The following MON2 variants were observed in gnomAD, a reference collection of about 807,000 sequenced individuals.
The protein encoded by MON2 is MON2 regulator of endosome-to-Golgi trafficking.
In MON2, 84 loss-of-function variants were observed where a neutral mutation model predicts 208.6. That is an observed-to-expected ratio of 0.40 (90% confidence interval 0.34 to 0.48). The LOEUF (loss-of-function observed/expected upper bound fraction) is 0.48. Among genes scored for constraint, MON2 ranks in the 20% least tolerant of loss-of-function variants. The pLI, the probability that MON2 is intolerant of heterozygous loss-of-function variation, is 0.59. For missense variants in MON2, 1,611 were observed against 2,015.4 expected (o/e 0.80, Z 3.84); for synonymous variants, 660 against 694.0 (o/e 0.95, Z 0.77).
chr12:62,497,048 A>G (rs2070537141), intron 4 of MON2, among the ~76,000 whole-genome samples: 1 of 143,440 alleles, frequency 7.0e-6, no homozygotes, highest in Non-Finnish European at 1.5e-5. Context: ...TCAGTAAACT[A>G]TCGCAAGAAC....
intron 1 of MON2, among the ~76,000 whole-genome samples, chr12:62,476,282 G>A (rs2069076452): frequency 6.6e-6 from 1 of 152,274 alleles, no homozygotes; most frequent in South Asian, 2.1e-4. Flanking sequence ...CCTAAAGGGT[G>A]TTCTAGATGT....
intron 19 of MON2, among the ~76,000 whole-genome samples, chr12:62,541,138 T>G (rs2073213788): frequency 6.6e-6 from 1 of 152,090 alleles, no homozygotes. Flanking sequence ...TCCCAGCACT[T>G]TGGGAGGCTG....
At chr12:62,538,197 C>A (rs771674561) in intron 17 of MON2, 21 bp downstream of exon 17, 1 of 1,611,610 alleles carries the variant, frequency 6.2e-7, no homozygotes, top group Non-Finnish European at 8.5e-7. Context: ...GTCTTTCTTA[C>A]CCAATTAGTG....
intron 2 of MON2, among the ~76,000 whole-genome samples, chr12:62,491,191 T>C (rs1222072657): frequency 6.6e-6 from 1 of 152,154 alleles, no homozygotes; most frequent in East Asian, 1.9e-4. Flanking sequence ...TAACATCTTA[T>C]GGTAAGATGA....
chr12:62,509,639 G>A (rs993659997), intron 8 of MON2, among the ~76,000 whole-genome samples: 2 of 152,288 alleles, frequency 1.3e-5, no homozygotes, highest in South Asian at 2.1e-4. Context: ...TAGAGCTTAT[G>A]TTAAGCCATA....
chr12:62,568,328 A>G (rs2074458932), intron 29 of MON2, among the ~76,000 whole-genome samples: 1 of 152,132 alleles, frequency 6.6e-6, no homozygotes, highest in African/African-American at 2.4e-5. Context: ...AAGTAATATG[A>G]ATCAGTTTGT....
At chr12:62,499,562 A>G (rs2070723318) in intron 5 of MON2, among the ~76,000 whole-genome samples, 1 of 152,118 alleles carries the variant, frequency 6.6e-6, no homozygotes, top group South Asian at 2.1e-4. Flanking sequence ...ATGTGTTAAG[A>G]ACATTTAAAT....
At chr12:62,489,941 T>G in intron 2 of MON2, 1 of 652,908 alleles carries the variant, frequency 1.5e-6, no homozygotes, top group Non-Finnish European at 2.2e-6. Context: ...AAGTTTATTT[T>G]TTAATGGCTG....
intron 19 of MON2, among the ~76,000 whole-genome samples, chr12:62,540,341 ACT>A (rs1204385361): frequency 6.6e-6 from 1 of 152,074 alleles, no homozygotes; most frequent in Non-Finnish European, 1.5e-5. Context: ...CATGAGACTT[ACT>A]CTCTGAATTT....
chr12:62,534,993 C>A, intron 13 of MON2, 67 bp downstream of exon 13: 1 of 1,119,318 alleles, frequency 8.9e-7, no homozygotes, highest in Non-Finnish European at 1.3e-6. Context: ...AAATGGTTTA[C>A]TTACATTTGT....
chr12:62,538,485 A>G lies in MON2; in HGVS notation c.2344A>G (p.Met782Val), dbSNP rs764539586. 4.4e-6 allele frequency: 7 copies of G among 1,602,694 alleles called. No individual in the cohort carries two copies. The highest frequency in any genetic ancestry group is 1.1e-5 in the South Asian group (1 of 90,846). The stretch of plus-strand genomic sequence containing the variant: ...CTCCTTGTCTCTAGAAGCAATGGAT[A>G]TGGCCTATGGAAATAATAAGGTGTG... ...LCSLSLEAMDMAYGNNKEPSL... is the reference protein window; with the variant it reads ...LCSLSLEAMDVAYGNNKEPSL... Residue 782 changes from methionine (M) to valine (V), a missense_variant, in exon 19 of 35, where the codon ATG becomes GTG. Physicochemically the swap from Met to Val is conservative, Grantham distance 21 (BLOSUM62 1). Coordinates refer to ENST00000393630, the MANE Select transcript of MON2 (RefSeq NM_015026.3).
chr12:62,561,520 A>G (rs1030748600), intron 26 of MON2, among the ~76,000 whole-genome samples: 2 of 152,062 alleles, frequency 1.3e-5, no homozygotes, highest in African/African-American at 4.8e-5. Flanking sequence ...TTGAAAGCCT[A>G]TATTAAAAAA....
At chr12:62,493,050 AAC>A (rs1472449573) in intron 2 of MON2, among the ~76,000 whole-genome samples, 5 of 151,686 alleles carry the variant, frequency 3.3e-5, no homozygotes, top group African/African-American at 1.2e-4. Context: ...CACACACACA[AAC>A]ACACAAAACA....
intron 2 of MON2, 59 bp from the exon 3 acceptor site, chr12:62,493,856 A>G (rs2070318765): frequency 1.6e-6 from 2 of 1,253,174 alleles, no homozygotes; most frequent in Non-Finnish European, 2.1e-6. Context: ...TTATATAAAA[A>G]TGCATTCTTA....
intron 1 of MON2, among the ~76,000 whole-genome samples, chr12:62,478,250 T>C (rs1034785556): frequency 5.3e-5 from 8 of 152,172 alleles, no homozygotes; most frequent in African/African-American, 1.9e-4. Context: ...GGATAGACAA[T>C]AATATAGAGC....
chr12:62,502,487 A>G lies in MON2; in HGVS notation c.789+789A>G, dbSNP rs1285749451. Among the ~76,000 whole-genome samples, 5 of 152,002 alleles carry G rather than the reference A, an allele frequency of 3.3e-5. No individual in the cohort carries two copies. The East Asian group carries it at 7.7e-4, about 23-fold the overall frequency. ...TAGACATATAACAGTTTAGTGTTAC[A>G]TTACTTTTTTTTTAGTGCCTTAGCA... On this transcript the variant is annotated intron_variant, in intron 7 of 34. Coordinates refer to ENST00000393630, the MANE Select transcript of MON2 (RefSeq NM_015026.3).
rs1458392781 is a variant in MON2, at chr12:62,493,977, C to G, written c.238C>G (p.Pro80Ala). 17 of 1,612,806 alleles carry G rather than the reference C, an allele frequency of 1.1e-5. No homozygotes were observed. In the Admixed American group the frequency reaches 2.8e-4, roughly 27 times the overall value. Residue 80 changes from proline (P) to alanine (A), a missense_variant, in exon 3 of 35, where the codon CCG becomes GCG. By Grantham distance (27) the Pro-to-Ala change is conservative (BLOSUM62 -1). Coordinates refer to ENST00000393630, the MANE Select transcript of MON2 (RefSeq NM_015026.3). ...TTTAATGGGTTGTGGAACCAAGGAA[C>G]CGAAGATCACTCAGCTATGTTTGGC... ...PFLMGCGTKE[P>A]KITQLCLAAI...
At chr12:62,520,951 A>G (rs2072003197) in intron 8 of MON2, among the ~76,000 whole-genome samples, 1 of 149,890 alleles carries the variant, frequency 6.7e-6, no homozygotes, top group Admixed American at 6.7e-5. Context: ...AACAAAATCA[A>G]TCTATTTTAT....
At chr12:62,520,996 T>A (rs1385305519) in intron 8 of MON2, among the ~76,000 whole-genome samples, 5 of 148,544 alleles carry the variant, frequency 3.4e-5, no homozygotes, top group South Asian at 4.2e-4. Context: ...GGCTCTTTTT[T>A]AAAAAAAAAA....
Sources: gnomAD v4.1 joint callset for allele counts (sites outside exome capture counted in the v4.1 genomes callset) on GRCh38, gnomAD v4.1.1 for gene constraint, MANE v1.5 for transcripts, NCBI Gene and HGNC (gene_info 2026-07-23, HGNC 2026-07-21) for gene names.